Variants in TPRG1 observed in about 807,000 individuals in gnomAD.
TPRG1 encodes the protein tumor protein p63-regulated gene 1 protein.
In TPRG1, 29 loss-of-function variants were observed where a neutral mutation model predicts 29.3. That is an observed-to-expected ratio of 0.99 (90% CI 0.74 to 1.35). The LOEUF (loss-of-function observed/expected upper bound fraction) is 1.35, where lower values mean the gene tolerates loss of function less well. Ranked by LOEUF, TPRG1 falls within the 40% of genes most tolerant of loss-of-function variation. The pLI is 0.00. For synonymous variants in TPRG1, 130 were observed against 116.8 expected, an observed-to-expected ratio of 1.11 and a Z score of -0.73; for missense variants, 327 against 335.0, an observed-to-expected ratio of 0.98 and a Z score of 0.19.
intron 4 of TPRG1, among the ~76,000 whole-genome samples, chr3:189,060,995 C>T (rs1716068743): frequency 6.6e-6 from 1 of 152,104 alleles, no homozygotes; most frequent in African/African-American, 2.4e-5. Context: ...AAAGGCAATC[C>T]TAAGCCAAAA....
chr3:189,264,720 A>G (rs981980442), intron 4 of TPRG1, among the ~76,000 whole-genome samples: 2 of 152,172 alleles, frequency 1.3e-5, no homozygotes, highest in Non-Finnish European at 2.9e-5. Flanking sequence ...GATAGGAGGT[A>G]AGGTGAGAAG....
chr3:189,264,270 A>C lies in TPRG1; in HGVS notation c.479+25361A>C, dbSNP rs549511920. On this transcript the variant is annotated intron_variant, in intron 4 of 5. Coordinates refer to ENST00000345063, the MANE Select transcript of TPRG1 (RefSeq NM_198485.4). ...ATAACCTTCTTTCTAACTTTGCTCC[A>C]TGAAACAAGAAAAATAAGAAGCCCT... Among the ~76,000 whole-genome samples, 24 of 152,314 alleles carry C rather than the reference A, an allele frequency of 1.6e-4. No individual in the cohort carries two copies. The South Asian group carries it at 5.0e-3, about 32-fold the overall frequency.
Position 189,269,728 on chromosome 3 carries a change from G to A in TPRG1, c.479+30819G>A, listed in dbSNP as rs114086320. Among the ~76,000 whole-genome samples the A allele has an allele frequency of 1.2e-3, 185 of 152,294 alleles. 2 individuals are homozygous for A. In the South Asian group the frequency reaches 0.015, roughly 12 times the overall value. On this transcript the variant is annotated intron_variant, in intron 4 of 5. Transcript: ENST00000345063. ...TTGGAGCTACAAGGGATTTTTCAGC[G>A]TTTGCTTTAATCTCCCTCATTTTAC...
At chr3:189,112,223 G>A (rs1285433509) in intron 1 of TPRG1, among the ~76,000 whole-genome samples, 1 of 152,020 alleles carries the variant, frequency 6.6e-6, no homozygotes, top group Non-Finnish European at 1.5e-5. Flanking sequence ...AAGAATTTTT[G>A]CATCTATGTT....
At chr3:189,237,967 C>A (rs1259599962) in intron 3 of TPRG1, among the ~76,000 whole-genome samples, 1 of 152,190 alleles carries the variant, frequency 6.6e-6, no homozygotes. Context: ...AATTATGAAC[C>A]ATGTTCACTC....
intron 4 of TPRG1, among the ~76,000 whole-genome samples, chr3:189,288,721 AC>A (rs1483580785): frequency 2.6e-5 from 4 of 152,252 alleles, no homozygotes; most frequent in African/African-American, 4.8e-5. Context: ...CAGTTTCAAA[AC>A]TTTAAATAGA....
At chr3:189,310,365 T>C in intron 4 of TPRG1, 21 bp from the exon 5 acceptor site, 1 of 1,562,552 alleles carries the variant, frequency 6.4e-7, no homozygotes. Flanking sequence ...ACTAATCTAA[T>C]GGAAAACGCC....
chr3:189,217,729 C>A, intron 3 of TPRG1: 1 of 735,016 alleles, frequency 1.4e-6, no homozygotes, highest in Non-Finnish European at 1.7e-6. Flanking sequence ...GGCATCTGGT[C>A]CAAATAAATG....
chr3:189,202,904 T>C (rs889091741), intron 1 of TPRG1, among the ~76,000 whole-genome samples: 1 of 152,218 alleles, frequency 6.6e-6, no homozygotes, highest in African/African-American at 2.4e-5. Flanking sequence ...TGCATGAGTT[T>C]GATGGCCGTT....
At chr3:189,249,715 A>G (rs1741873908) in intron 4 of TPRG1, among the ~76,000 whole-genome samples, 1 of 152,008 alleles carries the variant, frequency 6.6e-6, no homozygotes. Context: ...TTGTAAGTGT[A>G]ACTTAATAGT....
In TPRG1 at chr3:189,180,310, C is replaced by G. The variant is rs187222902; in HGVS notation, c.-10+8179C>G. Among the ~76,000 whole-genome samples the G allele has an allele frequency of 1.7e-3, 266 of 152,238 alleles. 1 individual carries two copies. Among genetic ancestry groups the G allele is most frequent in the South Asian group, 3.9e-3 (19 of 4,820 alleles). Reference sequence around the variant, plus strand: ...CCAATCATGCCTTCCCGACAGTCCCCCAAAGTCTTAACTAATTCCAGTATT... The same window carrying G: ...CCAATCATGCCTTCCCGACAGTCCCGCAAAGTCTTAACTAATTCCAGTATT... On this transcript the variant is annotated intron_variant, in intron 1 of 5. Coordinates refer to ENST00000345063, the MANE Select transcript of TPRG1 (RefSeq NM_198485.4).
intron 4 of TPRG1, among the ~76,000 whole-genome samples, chr3:189,255,921 C>T (rs1329259827): frequency 6.6e-6 from 1 of 151,932 alleles, no homozygotes; most frequent in East Asian, 1.9e-4. Context: ...ATTAGTCTGG[C>T]TAGTGGTCTA....
intron 4 of TPRG1, among the ~76,000 whole-genome samples, chr3:189,057,745 T>C (rs192696645): frequency 4.7e-4 from 69 of 147,240 alleles, no homozygotes; most frequent in Non-Finnish European, 8.9e-4. Context: ...TTAGTATATA[T>C]ATACATATAT....
intron 4 of TPRG1, among the ~76,000 whole-genome samples, chr3:189,079,345 T>C (rs964068771): frequency 2.0e-5 from 3 of 152,036 alleles, no homozygotes; most frequent in Admixed American, 6.6e-5. Flanking sequence ...GGGACAAATA[T>C]CCAAACTATG....
chr3:189,038,985 GA>G (rs911153778), intron 4 of TPRG1, among the ~76,000 whole-genome samples: 5 of 152,292 alleles, frequency 3.3e-5, no homozygotes, highest in African/African-American at 1.2e-4. Context: ...GCACAGATGT[GA>G]AAAAATGAGA....
chr3:189,180,477 T>G (rs949792551), intron 1 of TPRG1, among the ~76,000 whole-genome samples: 13 of 152,000 alleles, frequency 8.6e-5, no homozygotes, highest in African/African-American at 2.7e-4. Context: ...CCATTCCAAA[T>G]GGGAGAAATT....
chr3:189,028,733 T>C (rs1213012417), intron 4 of TPRG1, among the ~76,000 whole-genome samples: 1 of 152,160 alleles, frequency 6.6e-6, no homozygotes, highest in Non-Finnish European at 1.5e-5. Context: ...CTGCACACTG[T>C]GTATGGTAAG....
chr3:189,217,921 A>G, intron 3 of TPRG1: 1 of 985,454 alleles, frequency 1.0e-6, no homozygotes, highest in African/African-American at 1.7e-5. Context: ...ATGAGAACAC[A>G]AAAACAAAAA....
chr3:189,141,450 C>G (rs1724548268), intron 3 of TPRG1, among the ~76,000 whole-genome samples: 1 of 152,138 alleles, frequency 6.6e-6, no homozygotes, highest in Admixed American at 6.5e-5. Context: ...TTCTAACAAG[C>G]TGCTCTTGCC....
Sources: allele counts gnomAD v4.1 joint callset (sites outside exome capture counted in the v4.1 genomes callset), GRCh38; gene constraint gnomAD v4.1.1; transcripts MANE v1.5; gene names NCBI Gene and HGNC (gene_info 2026-07-23, HGNC 2026-07-21).